Variants in PIBF1 observed in about 807,000 individuals in gnomAD.
PIBF1 encodes progesterone-induced-blocking factor 1.
PIBF1 carries 90 observed loss-of-function variants against 112.5 expected under a neutral mutation model. The observed-to-expected ratio is 0.80, with a 90% CI of 0.67 to 0.95. The LOEUF is 0.95. Among genes scored for constraint, PIBF1 ranks in the 40% least tolerant of loss-of-function variants. PIBF1 has a pLI of 0.00. For synonymous variants in PIBF1, 301 were observed against 288.6 expected, an observed-to-expected ratio of 1.04 and a Z score of -0.44; for missense variants, 915 against 852.3, an observed-to-expected ratio of 1.07 and a Z score of -0.92.
chr13:72,970,791 A>G (rs1432043293), intron 15 of PIBF1: 3 of 152,150 alleles, frequency 2.0e-5, no homozygotes, highest in Non-Finnish European at 4.4e-5. Context: ...GAGTGAATAT[A>G]ATAATCATCA....
At chr13:72,782,892 GTGTGTGTGTGTGTGTT>G (rs1014248684) in intron 1 of PIBF1, among the ~76,000 whole-genome samples, 4 of 142,648 alleles carry the variant, frequency 2.8e-5, no homozygotes, top group East Asian at 2.1e-4. Context: ...GTGTGTGTGT[GTGTGTGTGTGTGTGTT>G]TGTGTTTGTG....
chr13:72,991,363 C>A (rs948305891), intron 16 of PIBF1, among the ~76,000 whole-genome samples: 1 of 152,146 alleles, frequency 6.6e-6, no homozygotes, highest in Non-Finnish European at 1.5e-5. Context: ...AATTATTATA[C>A]TGCAACATAG....
chr13:72,933,920 A>C (rs1179559745), intron 14 of PIBF1, among the ~76,000 whole-genome samples: 1 of 152,220 alleles, frequency 6.6e-6, no homozygotes, highest in African/African-American at 2.4e-5. Context: ...AAATAAAACA[A>C]GAATCACAAA....
In PIBF1 at chr13:73,015,780, A is replaced by G. The variant is rs1377905942; in HGVS notation, c.2224-89A>G. ...AATTTTTTAGTATAGCTTACATAAA[A>G]AAACCTCAATGTATATAGTTCTCTG... On this transcript the variant is annotated intron_variant, in intron 17 of 17. Coordinates refer to ENST00000326291, the MANE Select transcript of PIBF1 (RefSeq NM_006346.4). The G allele has an allele frequency of 6.9e-6, 4 of 580,550 alleles. No homozygotes were observed. The Admixed American group carries it at 1.1e-4, about 16-fold the overall frequency. The allele number at this position is 580,550 out of a possible 1,614,324, so 36.0% of individuals were successfully genotyped here.
chr13:72,904,056 A>G, intron 11 of PIBF1, among the ~76,000 whole-genome samples: 1 of 151,892 alleles, frequency 6.6e-6, no homozygotes, highest in Non-Finnish European at 1.5e-5. Flanking sequence ...AAATGGAAGT[A>G]TCCTTTCCCA....
intron 11 of PIBF1, among the ~76,000 whole-genome samples, chr13:72,902,272 A>G (rs1019700921): frequency 6.6e-6 from 1 of 151,202 alleles, no homozygotes; most frequent in African/African-American, 2.4e-5. Flanking sequence ...GACTACAAAT[A>G]TAGTGCAGTG....
At chr13:72,828,663 T>G (rs1005921722) in intron 8 of PIBF1, among the ~76,000 whole-genome samples, 1 of 152,230 alleles carries the variant, frequency 6.6e-6, no homozygotes, top group Non-Finnish European at 1.5e-5. Flanking sequence ...GTGCCACATT[T>G]TCTCTATCCA....
intron 9 of PIBF1, among the ~76,000 whole-genome samples, chr13:72,847,506 T>A (rs1002266545): frequency 3.9e-5 from 6 of 152,156 alleles, no homozygotes; most frequent in Admixed American, 3.3e-4. Flanking sequence ...CCATTCCCAC[T>A]CTCATGGCCT....
chr13:72,820,152 T>C (rs1378284089), intron 5 of PIBF1, among the ~76,000 whole-genome samples: 1 of 152,152 alleles, frequency 6.6e-6, no homozygotes, highest in Non-Finnish European at 1.5e-5. Context: ...CATGTATTAC[T>C]TGATATATGC....
intron 10 of PIBF1, among the ~76,000 whole-genome samples, chr13:72,883,453 A>G (rs2138510637): frequency 6.6e-6 from 1 of 152,254 alleles, no homozygotes; most frequent in East Asian, 1.9e-4. Flanking sequence ...ATTTAATTGT[A>G]CATTTTTTTT....
At chr13:72,876,983 C>T (rs1240919892) in intron 10 of PIBF1, among the ~76,000 whole-genome samples, 2 of 152,130 alleles carry the variant, frequency 1.3e-5, no homozygotes, top group Non-Finnish European at 2.9e-5. Flanking sequence ...AGGACAACTT[C>T]AGGTTTCTTA....
chr13:72,999,071 T>C, intron 17 of PIBF1, 76 bp downstream of exon 17: 1 of 986,154 alleles, frequency 1.0e-6, no homozygotes, highest in Non-Finnish European at 1.5e-6. Flanking sequence ...ATTTTTTCCT[T>C]TTACATTTAT....
At chr13:72,960,844 A>T (rs1365897395) in intron 14 of PIBF1, among the ~76,000 whole-genome samples, 1 of 152,184 alleles carries the variant, frequency 6.6e-6, no homozygotes, top group African/African-American at 2.4e-5. Flanking sequence ...AACTTAGTAA[A>T]ATAATAAGAT....
At chr13:72,968,154 A>T (rs1025054776) in intron 15 of PIBF1, among the ~76,000 whole-genome samples, 4 of 151,534 alleles carry the variant, frequency 2.6e-5, no homozygotes, top group Non-Finnish European at 5.9e-5. Flanking sequence ...ACTGCACTCC[A>T]ACCTGGGCGA....
intron 14 of PIBF1, among the ~76,000 whole-genome samples, chr13:72,935,284 T>C (rs2041836182): frequency 6.6e-6 from 1 of 152,206 alleles, no homozygotes; most frequent in African/African-American, 2.4e-5. Context: ...CTAGCTTGTA[T>C]TTCCTAGACT....
intron 9 of PIBF1, among the ~76,000 whole-genome samples, chr13:72,852,049 C>T (rs758622997): frequency 1.3e-5 from 2 of 152,174 alleles, no homozygotes; most frequent in Non-Finnish European, 2.9e-5. Context: ...TATTCATGCT[C>T]CGGTTGTCTG....
At chr13:72,793,039 T>C (rs946579890) in intron 3 of PIBF1, among the ~76,000 whole-genome samples, 1 of 152,156 alleles carries the variant, frequency 6.6e-6, no homozygotes, top group Non-Finnish European at 1.5e-5. Flanking sequence ...CTAAAAAAAT[T>C]ATGAAATTAA....
At chr13:72,892,840 C>T (rs1279338722) in intron 10 of PIBF1, among the ~76,000 whole-genome samples, 1 of 148,142 alleles carries the variant, frequency 6.8e-6, no homozygotes, top group Non-Finnish European at 1.5e-5. Flanking sequence ...CTATACAAAC[C>T]AAGTTAGGTC....
chr13:72,973,866 A>T, intron 16 of PIBF1, 191 bp downstream of exon 16: 1 of 500,214 alleles, frequency 2.0e-6, no homozygotes, highest in Non-Finnish European at 3.5e-6. Flanking sequence ...TCCTAGAATA[A>T]CCCCTTCTTG....
Sources: gnomAD v4.1 joint callset for allele counts (sites outside exome capture counted in the v4.1 genomes callset) on GRCh38, gnomAD v4.1.1 for gene constraint, MANE v1.5 for transcripts, NCBI Gene and HGNC (gene_info 2026-07-23, HGNC 2026-07-21) for gene names.